The following TMPRSS15 variants were observed in gnomAD, a reference collection of about 807,000 sequenced individuals.
TMPRSS15 encodes transmembrane serine protease 15, also known as enteropeptidase.
TMPRSS15 carries 128 observed loss-of-function variants against 125.3 expected under a neutral mutation model. The ratio of observed to expected loss-of-function variants is 1.02; its 90% CI spans 0.89 to 1.18. The LOEUF is 1.18. TMPRSS15 is among the 50% of genes most tolerant of loss of function. The probability of loss-of-function intolerance (pLI) is 0.00; values close to 1 mark genes in which losing one functional copy is unlikely to be tolerated. For missense variants in TMPRSS15, 1,283 were observed against 1,212.7 expected (o/e 1.06, Z -0.86); for synonymous variants, 446 against 423.2 (o/e 1.05, Z -0.66).
At chr21:18,372,628 A>C (rs1301053459) in intron 5 of TMPRSS15, among the ~76,000 whole-genome samples, 1 of 152,234 alleles carries the variant, frequency 6.6e-6, no homozygotes, top group Non-Finnish European at 1.5e-5. Context: ...CATTCTGTAG[A>C]GTACATTTAC....
intron 1 of TMPRSS15, among the ~76,000 whole-genome samples, chr21:18,456,569 A>G (rs555730979): frequency 1.3e-5 from 2 of 152,214 alleles, no homozygotes; most frequent in African/African-American, 4.8e-5. Context: ...AAGATACTTA[A>G]ACCACTAAAT....
At chr21:18,310,704 GA>G (rs535550602) in intron 18 of TMPRSS15, among the ~76,000 whole-genome samples, 328 of 151,736 alleles carry the variant, frequency 2.2e-3, no homozygotes, top group African/African-American at 7.6e-3. Flanking sequence ...CACAGGAATA[GA>G]AAAAAAATCC....
chr21:18,365,744 T>A (rs1412354384), intron 6 of TMPRSS15, among the ~76,000 whole-genome samples: 36 of 60,478 alleles, frequency 6.0e-4, no homozygotes, highest in Non-Finnish European at 1.0e-3. Flanking sequence ...TCTTTTTTCC[T>A]TTTTTTTTTT....
intron 1 of TMPRSS15, among the ~76,000 whole-genome samples, chr21:18,444,599 G>T (rs756463946): frequency 6.6e-6 from 1 of 152,036 alleles, no homozygotes; most frequent in Admixed American, 6.6e-5. Flanking sequence ...AAATCTGCAC[G>T]TTGTGCACAT....
intron 13 of TMPRSS15, among the ~76,000 whole-genome samples, chr21:18,334,978 C>G (rs2075378241): frequency 6.6e-6 from 1 of 152,144 alleles, no homozygotes; most frequent in Non-Finnish European, 1.5e-5. Context: ...CCGAGGAAGG[C>G]ATGTGAACCA....
intron 1 of TMPRSS15, among the ~76,000 whole-genome samples, chr21:18,444,342 T>C (rs186753560): frequency 1.3e-5 from 2 of 152,324 alleles, no homozygotes; most frequent in East Asian, 3.9e-4. Flanking sequence ...AGGGACATGG[T>C]TGAAGCTGGA....
chr21:18,446,434 A>C (rs6517814), intron 1 of TMPRSS15, among the ~76,000 whole-genome samples: 59,162 of 152,012 alleles, frequency 0.39, 12,165 homozygotes, highest in Middle Eastern at 0.5. Context: ...AAGTTCTTCA[A>C]AGAAATAGAA....
intron 22 of TMPRSS15, among the ~76,000 whole-genome samples, chr21:18,279,757 G>A (rs1288907802): frequency 1.3e-5 from 2 of 152,166 alleles, no homozygotes; most frequent in African/African-American, 4.8e-5. Context: ...ATTATGGTAA[G>A]GATGATTTTC....
At chr21:18,377,205 G>C (rs1013924712) in intron 5 of TMPRSS15, among the ~76,000 whole-genome samples, 1 of 152,086 alleles carries the variant, frequency 6.6e-6, no homozygotes, top group Non-Finnish European at 1.5e-5. Context: ...TTTGAGAATT[G>C]ATTAAGGTAA....
intron 6 of TMPRSS15, among the ~76,000 whole-genome samples, chr21:18,371,236 G>C (rs973362139): frequency 6.6e-6 from 1 of 152,112 alleles, no homozygotes; most frequent in Non-Finnish European, 1.5e-5. Context: ...ACAATACTCA[G>C]AATGATGTGC....
At chr21:18,391,956 C>T (rs1416134717) in intron 3 of TMPRSS15, among the ~76,000 whole-genome samples, 1 of 152,196 alleles carries the variant, frequency 6.6e-6, no homozygotes, top group Non-Finnish European at 1.5e-5. Flanking sequence ...AATGGCCTGA[C>T]CTGTACACTG....
rs868749814 is a variant in TMPRSS15 at position 18,360,107 on chromosome 21, C to T, written c.774-244G>A. ...GAATGACAACTTCCCATTGCTTAGT[C>T]CTCCCAGCCCCTGGCAATCACCATT... On this transcript the variant is annotated intron_variant, in intron 7 of 24. Transcript: ENST00000284885. Among the ~76,000 whole-genome samples, 10 of 152,152 alleles carry T rather than the reference C, an allele frequency of 6.6e-5. No homozygotes were observed. The Middle Eastern group carries it at 0.02, about 311-fold the overall frequency.
At chr21:18,402,279 C>T (rs1307454495) in intron 1 of TMPRSS15, among the ~76,000 whole-genome samples, 1 of 151,944 alleles carries the variant, frequency 6.6e-6, no homozygotes, top group African/African-American at 2.4e-5. Flanking sequence ...TGCCTGTAAT[C>T]CCAGCATTTG....
At chr21:18,363,257 T>C (rs2075694378) in intron 7 of TMPRSS15, among the ~76,000 whole-genome samples, 1 of 152,124 alleles carries the variant, frequency 6.6e-6, no homozygotes, top group Admixed American at 6.5e-5. Context: ...ACATCTTAGG[T>C]TCTTCAGGTT....
chr21:18,438,879 A>C (rs1213967022), intron 1 of TMPRSS15, among the ~76,000 whole-genome samples: 1 of 152,234 alleles, frequency 6.6e-6, no homozygotes, highest in African/African-American at 2.4e-5. Flanking sequence ...AAATAATTAT[A>C]AAATAATGCT....
intron 10 of TMPRSS15, among the ~76,000 whole-genome samples, chr21:18,352,131 G>T (rs1229615171): frequency 6.6e-6 from 1 of 151,864 alleles, no homozygotes; most frequent in Non-Finnish European, 1.5e-5. Flanking sequence ...TCACTTCAGT[G>T]ATTATATTTG....
chr21:18,384,091 C>T (rs1486274422), intron 3 of TMPRSS15, among the ~76,000 whole-genome samples: 2 of 152,138 alleles, frequency 1.3e-5, no homozygotes, highest in African/African-American at 4.8e-5. Flanking sequence ...GTGTTAAAAT[C>T]ACGTGGTCTC....
intron 21 of TMPRSS15, among the ~76,000 whole-genome samples, chr21:18,282,097 C>CAAAAAAAAAA (rs954911028): frequency 1.2e-4 from 3 of 24,960 alleles, no homozygotes; most frequent in Non-Finnish European, 3.0e-4. Flanking sequence ...GACTCCGCCT[C>CAAAAAAAAAA]AAAAAAAAAA....
intron 1 of TMPRSS15, among the ~76,000 whole-genome samples, chr21:18,419,756 GTA>G (rs1368629460): frequency 1.3e-5 from 2 of 152,168 alleles, no homozygotes; most frequent in Non-Finnish European, 2.9e-5. Flanking sequence ...AGTCGTTCCT[GTA>G]GGTGGAAAAT....
Sources: allele counts gnomAD v4.1 joint callset (sites outside exome capture counted in the v4.1 genomes callset), GRCh38; gene constraint gnomAD v4.1.1; transcripts MANE v1.5; gene names NCBI Gene and HGNC (gene_info 2026-07-23, HGNC 2026-07-21).